Variants in CCDC85C observed in about 807,000 individuals in gnomAD.
The protein encoded by CCDC85C is coiled-coil domain containing 85C, also known as coiled-coil domain-containing protein 85C.
Under a neutral mutation model 38.3 loss-of-function variants are expected in CCDC85C, and 18 were observed. The observed-to-expected ratio is 0.47, with a 90% CI of 0.33 to 0.70. The LOEUF (loss-of-function observed/expected upper bound fraction) is 0.70. Ranked by LOEUF, CCDC85C falls within the 30% of genes least tolerant of loss-of-function variation. CCDC85C has a pLI of 0.03. For missense variants in CCDC85C, 566 were observed against 621.2 expected (o/e 0.91, Z 0.94); for synonymous variants, 264 against 293.8 (o/e 0.90, Z 1.04).
intron 1 of CCDC85C, among the ~76,000 whole-genome samples, chr14:99,602,697 G>A (rs1018211209): frequency 2.6e-5 from 4 of 152,080 alleles, no homozygotes; most frequent in Non-Finnish European, 5.9e-5. Flanking sequence ...ACACCCCACT[G>A]CAGAACTCCA....
chr14:99,565,950 G>A (rs529171978), intron 1 of CCDC85C, among the ~76,000 whole-genome samples: 31 of 152,344 alleles, frequency 2.0e-4, no homozygotes, highest in African/African-American at 5.8e-4. Flanking sequence ...TGCTGCGCCC[G>A]TCTGCTCCAG....
At chr14:99,578,555 G>A (rs1334184725) in intron 1 of CCDC85C, among the ~76,000 whole-genome samples, 1 of 152,146 alleles carries the variant, frequency 6.6e-6, no homozygotes, top group African/African-American at 2.4e-5. Context: ...ACACCCACAT[G>A]GCCTGTACCT....
At chr14:99,592,899 G>A (rs2055102696) in intron 1 of CCDC85C, among the ~76,000 whole-genome samples, 3 of 152,238 alleles carry the variant, frequency 2.0e-5, no homozygotes, top group Admixed American at 6.5e-5. Context: ...GGAGAAGAGG[G>A]GAGCCTTCCC....
At chr14:99,602,194 A>G (rs1213894402) in intron 1 of CCDC85C, among the ~76,000 whole-genome samples, 1 of 152,330 alleles carries the variant, frequency 6.6e-6, no homozygotes, top group African/African-American at 2.4e-5. Flanking sequence ...TCCACCAGCG[A>G]GGAGGAGAAA....
rs1897163835 is a variant in CCDC85C at position 99,513,029 on chromosome 14, G to A, written c.*2217C>T. ...GGGTCACCAGCTTTGTGCTGCCTCC[G>A]TAACAGCAGGAGGGTTCTCAAAGCA... On this transcript the variant is annotated 3_prime_UTR_variant, in exon 6 of 6. Transcript: ENST00000380243. The A allele has an allele frequency of 6.6e-6, 1 of 152,230 alleles. No individual in the cohort carries two copies. The highest frequency in any genetic ancestry group is 1.5e-5 in the Non-Finnish European group (1 of 68,034). The allele number at this position is 152,230 out of a possible 1,614,324, so 9.4% of individuals were successfully genotyped here. A position where few individuals can be genotyped will look rare whatever the true frequency, so the allele number is the denominator to read the frequency against.
At chr14:99,547,553 C>T (rs1305921981) in intron 1 of CCDC85C, among the ~76,000 whole-genome samples, 2 of 152,126 alleles carry the variant, frequency 1.3e-5, no homozygotes, top group African/African-American at 2.4e-5. Flanking sequence ...GCGGGCAGAT[C>T]ACCTGACGCC....
At chr14:99,537,675 C>T (rs1595349799) in intron 1 of CCDC85C, among the ~76,000 whole-genome samples, 1 of 152,166 alleles carries the variant, frequency 6.6e-6, no homozygotes, top group Non-Finnish European at 1.5e-5. Context: ...CCAGGCCCAG[C>T]CTCCCCGCCC....
intron 3 of CCDC85C, among the ~76,000 whole-genome samples, chr14:99,518,965 C>T (rs1425681438): frequency 1.3e-5 from 2 of 152,154 alleles, no homozygotes; most frequent in East Asian, 1.9e-4. Flanking sequence ...GGGCCCCCAC[C>T]TGTACTAGAA....
chr14:99,575,138 C>T (rs955606549), intron 1 of CCDC85C, among the ~76,000 whole-genome samples: 5 of 152,350 alleles, frequency 3.3e-5, no homozygotes, highest in Admixed American at 1.3e-4. Context: ...GCTGGCCCTG[C>T]CCCCAGGATC....
rs1281949461 is a variant in CCDC85C at position 99,603,929 on chromosome 14, C to T, written c.31G>A (p.Ala11Thr). Residue 11 changes from alanine (A) to threonine (T), a missense_variant, in exon 1 of 6, where the codon GCG (alanine) becomes ACG (threonine). By Grantham distance (58) the Ala-to-Thr change is moderately conservative. Around this residue, in one of 3 missense-constraint regions of CCDC85C, gnomAD observed 269 missense variants for 308.2 expected, o/e 0.87. Coordinates refer to ENST00000380243, the MANE Select transcript of CCDC85C (RefSeq NM_001144995.2). The surrounding 1 kb of genome is among the most constrained non-coding windows in gnomAD (Gnocchi z 7.5). MAKPAATAAA[A>T]SEELSQVPDE... is the part of the protein sequence containing the mutation. ...GGCACCTGGCTCAGCTCCTCCGACG[C>T]CGCCGCCGCCGTCGCCGCGGGCTTA... 2 of 1,413,174 alleles carry T rather than the reference C, an allele frequency of 1.4e-6. No individual in the cohort carries two copies. Among genetic ancestry groups the T allele is most frequent in the Middle Eastern group, 4.8e-4 (2 of 4,150 alleles). 87.5% of individuals were successfully genotyped at this position (1,413,174 alleles called of 1,614,324 possible). A position where few individuals can be genotyped will look rare whatever the true frequency, so the allele number is the denominator to read the frequency against.
intron 1 of CCDC85C, among the ~76,000 whole-genome samples, chr14:99,582,544 C>T (rs2054984395): frequency 6.6e-6 from 1 of 151,984 alleles, no homozygotes; most frequent in Non-Finnish European, 1.5e-5. Context: ...CGGCTGGGCA[C>T]AGTGGCTCAT....
intron 1 of CCDC85C, among the ~76,000 whole-genome samples, chr14:99,597,834 G>A (rs1452050240): frequency 6.6e-6 from 1 of 152,148 alleles, no homozygotes; most frequent in Non-Finnish European, 1.5e-5. Flanking sequence ...CGTGTGTCAG[G>A]GGATCTCCCA....
At chr14:99,582,440 C>G (rs903080527) in intron 1 of CCDC85C, among the ~76,000 whole-genome samples, 3 of 152,014 alleles carry the variant, frequency 2.0e-5, no homozygotes, top group African/African-American at 7.3e-5. Flanking sequence ...AAACGGATGT[C>G]TTGTCTATGG....
At position 99,604,078 on chromosome 14, in the gene CCDC85C, GCCCCGCGCCGCCTGGCGCGT is replaced by G; in HGVS notation, c.-139_-120del. The G allele has an allele frequency of 2.1e-6, 2 of 942,840 alleles. No individual in the cohort carries two copies. Among genetic ancestry groups the G allele is most frequent in the Non-Finnish European group, 2.5e-6 (2 of 796,576 alleles). The allele number at this position is 942,840 out of a possible 1,614,324, so 58.4% of individuals were successfully genotyped here. ...GGGCGGCCGGGGGCGCGTGCGGCCC[GCCCCGCGCCGCCTGGCGCGT>G]CCTCTCGCCGCGCCCGCCGGGGCCG... is the stretch of plus-strand genomic sequence containing the variant. On this transcript the variant is annotated 5_prime_UTR_variant, in exon 1 of 6. Coordinates refer to ENST00000380243, the MANE Select transcript of CCDC85C (RefSeq NM_001144995.2).
In CCDC85C at chr14:99,512,164, T is replaced by C. The variant is rs1353560068; in HGVS notation, c.*3082A>G. 2.0e-5 allele frequency: 3 copies of C among 152,240 alleles called. No homozygotes were observed. Among genetic ancestry groups the C allele is most frequent in the Non-Finnish European group, 2.9e-5 (2 of 68,038 alleles). The allele number at this position is 152,240 out of a possible 1,614,324, so 9.4% of individuals were successfully genotyped here. A position where few individuals can be genotyped will look rare whatever the true frequency, so the allele number is the denominator to read the frequency against. The stretch of plus-strand genomic sequence containing the variant: ...CACTATCAAAAAGTTCTATTTCTTC[T>C]TGTCTCCCCACGTCAGAGTGGTTGA... On this transcript the variant is annotated 3_prime_UTR_variant, in exon 6 of 6. Coordinates refer to ENST00000380243, the MANE Select transcript of CCDC85C (RefSeq NM_001144995.2).
chr14:99,560,061 AG>A (rs1305445074), intron 1 of CCDC85C, among the ~76,000 whole-genome samples: 5 of 151,714 alleles, frequency 3.3e-5, no homozygotes, highest in African/African-American at 1.2e-4. Context: ...GCACACAGCC[AG>A]GTGTTCTTTC....
chr14:99,593,753 G>A (rs1380088901), intron 1 of CCDC85C, among the ~76,000 whole-genome samples: 1 of 152,234 alleles, frequency 6.6e-6, no homozygotes, highest in Non-Finnish European at 1.5e-5. Context: ...GCCCATGGCT[G>A]TTCTCCGGGA....
chr14:99,506,272 G>A lies in CCDC85C; in HGVS notation c.*8974C>T, dbSNP rs1896972864. 1 of 152,274 alleles carries A rather than the reference G, an allele frequency of 6.6e-6. No homozygotes were observed. The highest frequency in any genetic ancestry group is 1.9e-4 in the East Asian group (1 of 5,196). 9.4% of individuals were successfully genotyped at this position (152,274 alleles called of 1,614,324 possible). ...AGACTCAGATCTGAGTGGTGTACAA[G>A]CCAGAAGAAAGTACATTTCAGGAAG... On this transcript the variant is annotated 3_prime_UTR_variant, in exon 6 of 6. Coordinates refer to ENST00000380243, the MANE Select transcript of CCDC85C (RefSeq NM_001144995.2).
Position 99,603,151 on chromosome 14 carries a change from C to T in CCDC85C, c.793+16G>A, listed in dbSNP as rs1305052306. On this transcript the variant is annotated intron_variant, in intron 1 of 5. Coordinates refer to ENST00000380243, the MANE Select transcript of CCDC85C (RefSeq NM_001144995.2). This position sits in a 1 kb window ranked among gnomAD's most constrained non-coding sequence, Gnocchi z 7.5. ...AGCCAGGGAGACCCGCGCTGCCCGG[C>T]CCGTGTAGTCCTTACCGTGCAGGCC... The T allele has an allele frequency of 2.3e-6, 3 of 1,322,618 alleles. No individual in the cohort carries two copies. Among genetic ancestry groups the T allele is most frequent in the Non-Finnish European group, 1.9e-6 (2 of 1,036,456 alleles). 81.9% of individuals were successfully genotyped at this position (1,322,618 alleles called of 1,614,324 possible). A position where few individuals can be genotyped will look rare whatever the true frequency, so the allele number is the denominator to read the frequency against.
Sources: allele counts gnomAD v4.1 joint callset (sites outside exome capture counted in the v4.1 genomes callset), GRCh38; gene constraint gnomAD v4.1.1; regional missense constraint gnomAD v4.1.1; non-coding constraint Gnocchi (gnomAD v3.1); transcripts MANE v1.5; gene names NCBI Gene and HGNC (gene_info 2026-07-23, HGNC 2026-07-21).